The following PALM2AKAP2 variants were observed in gnomAD, a reference collection of about 807,000 sequenced individuals.
PALM2AKAP2 encodes PALM2 and AKAP2 fusion, also known as PALM2-AKAP2 fusion protein.
In PALM2AKAP2, 37 loss-of-function variants were observed where a neutral mutation model predicts 71.5. The observed-to-expected ratio is 0.52, with a 90% CI of 0.40 to 0.68. The LOEUF (loss-of-function observed/expected upper bound fraction) is 0.68. PALM2AKAP2 is among the 30% of genes least tolerant of loss of function. The probability of loss-of-function intolerance (pLI) is 0.00; values close to 1 mark genes in which losing one functional copy is unlikely to be tolerated. For synonymous variants in PALM2AKAP2, 468 were observed against 478.8 expected, an observed-to-expected ratio of 0.98 and a Z score of 0.29; for missense variants, 1,224 against 1,191.8, an observed-to-expected ratio of 1.03 and a Z score of -0.40.
intron 6 of PALM2AKAP2, among the ~76,000 whole-genome samples, chr9:109,995,791 G>T (rs143215840): frequency 5.3e-5 from 8 of 152,310 alleles, no homozygotes; most frequent in Non-Finnish European, 1.2e-4. Flanking sequence ...ATCAGGTGGG[G>T]AGTGATGTGA....
chr9:109,793,693 G>T (rs1010584855), intron 1 of PALM2AKAP2, among the ~76,000 whole-genome samples: 1 of 152,188 alleles, frequency 6.6e-6, no homozygotes, highest in Admixed American at 6.5e-5. Context: ...ACAATAGCCC[G>T]TGGGCCAAAT....
At chr9:109,699,238 A>G (rs149658086) in intron 1 of PALM2AKAP2, among the ~76,000 whole-genome samples, 138 of 152,348 alleles carry the variant, frequency 9.1e-4, no homozygotes, top group Non-Finnish European at 1.8e-3. Context: ...GTATTACCTT[A>G]TGAAGCAAGA....
At chr9:110,080,053 G>C (rs1834412529) in intron 1 of PALM2AKAP2, among the ~76,000 whole-genome samples, 1 of 117,152 alleles carries the variant, frequency 8.5e-6, no homozygotes, top group Non-Finnish European at 1.6e-5. Flanking sequence ...TTGGGTGACA[G>C]AGCGAGACTC....
intron 1 of PALM2AKAP2, among the ~76,000 whole-genome samples, chr9:110,053,539 AAAAAAAAAAG>A (rs1833759359): frequency 6.6e-6 from 1 of 150,988 alleles, no homozygotes; most frequent in African/African-American, 2.4e-5. Context: ...AAAAAAAAAA[AAAAAAAAAAG>A]AAAAAAAGAA....
intron 6 of PALM2AKAP2, among the ~76,000 whole-genome samples, chr9:109,942,384 A>G (rs1388884537): frequency 6.6e-6 from 1 of 152,226 alleles, no homozygotes; most frequent in Non-Finnish European, 1.5e-5. Flanking sequence ...AGCCTCCATG[A>G]AATTCTTCAC....
chr9:109,831,628 C>T (rs1370854943), intron 1 of PALM2AKAP2, among the ~76,000 whole-genome samples: 3 of 152,280 alleles, frequency 2.0e-5, no homozygotes, highest in Non-Finnish European at 4.4e-5. Context: ...GTGACAGATG[C>T]AGTCAGAGTA....
At chr9:109,954,373 C>T (rs914817096) in intron 6 of PALM2AKAP2, among the ~76,000 whole-genome samples, 4 of 152,002 alleles carry the variant, frequency 2.6e-5, no homozygotes, top group African/African-American at 9.7e-5. Flanking sequence ...CCCCAGCAGC[C>T]CCCAAGCCCT....
At chr9:109,950,748 G>A (rs1366880367) in intron 6 of PALM2AKAP2, among the ~76,000 whole-genome samples, 31 of 152,136 alleles carry the variant, frequency 2.0e-4, no homozygotes, top group Admixed American at 2.0e-3. Flanking sequence ...TCTCCAACAG[G>A]CCCAACTCCA....
intron 6 of PALM2AKAP2, among the ~76,000 whole-genome samples, chr9:109,971,742 G>A (rs10980129): frequency 6.6e-6 from 1 of 152,100 alleles, no homozygotes; most frequent in African/African-American, 2.4e-5. Flanking sequence ...CATTGTTGCA[G>A]AGTGTAAAAC....
At chr9:110,162,171 A>G (rs1262387154) in intron 3 of PALM2AKAP2, 39 bp downstream of exon 10, 1 of 1,610,630 alleles carries the variant, frequency 6.2e-7, no homozygotes, top group Non-Finnish European at 8.5e-7. Context: ...TACTGAATGC[A>G]TGATCCAGGT....
At chr9:110,111,593 A>G (rs1210557239) in intron 1 of PALM2AKAP2, among the ~76,000 whole-genome samples, 1 of 152,214 alleles carries the variant, frequency 6.6e-6, no homozygotes, top group Non-Finnish European at 1.5e-5. Flanking sequence ...CCTAACGGCA[A>G]AATGAATTGC....
At chr9:109,734,034 AC>A (rs1828593859) in intron 1 of PALM2AKAP2, among the ~76,000 whole-genome samples, 1 of 152,192 alleles carries the variant, frequency 6.6e-6, no homozygotes, top group African/African-American at 2.4e-5. Flanking sequence ...AACAACTAAA[AC>A]AGATTCTAGA....
intron 1 of PALM2AKAP2, among the ~76,000 whole-genome samples, chr9:109,792,061 G>A (rs1483579327): frequency 6.6e-6 from 1 of 152,102 alleles, no homozygotes; most frequent in Non-Finnish European, 1.5e-5. Context: ...GGGGCTGGGG[G>A]GTTGGTACAG....
At chr9:109,671,586 G>A (rs2118491329) in intron 1 of PALM2AKAP2, among the ~76,000 whole-genome samples, 1 of 152,170 alleles carries the variant, frequency 6.6e-6, no homozygotes, top group African/African-American at 2.4e-5. Context: ...GGCATTTTTG[G>A]TTCCATATGA....
chr9:109,996,216 T>A (rs1018512064), intron 6 of PALM2AKAP2, among the ~76,000 whole-genome samples: 1 of 152,248 alleles, frequency 6.6e-6, no homozygotes, highest in Admixed American at 6.5e-5. Flanking sequence ...TAAATATGTT[T>A]CCAGCCTAGT....
intron 1 of PALM2AKAP2, among the ~76,000 whole-genome samples, chr9:110,101,015 A>C (rs1049978009): frequency 6.6e-6 from 1 of 152,136 alleles, no homozygotes; most frequent in Non-Finnish European, 1.5e-5. Flanking sequence ...TTTTTCTGGA[A>C]ATCTAGAATA....
chr9:109,652,026 A>T (rs1348499276), intron 1 of PALM2AKAP2, among the ~76,000 whole-genome samples: 3 of 152,220 alleles, frequency 2.0e-5, no homozygotes, highest in African/African-American at 7.2e-5. Flanking sequence ...ATGCTACCTA[A>T]ATTACTGCCA....
chr9:109,811,882 T>G (rs1827736394), intron 1 of PALM2AKAP2, among the ~76,000 whole-genome samples: 1 of 152,248 alleles, frequency 6.6e-6, no homozygotes, highest in African/African-American at 2.4e-5. Flanking sequence ...TATATTGTAT[T>G]TTCTTAAAGC....
At chr9:110,038,766 C>T (rs1330571968) in intron 7 of PALM2AKAP2, among the ~76,000 whole-genome samples, 1 of 151,354 alleles carries the variant, frequency 6.6e-6, no homozygotes, top group South Asian at 2.1e-4. Context: ...TGGTGAAACC[C>T]CGTCTCTACT....
Sources: gnomAD v4.1 joint callset for allele counts (sites outside exome capture counted in the v4.1 genomes callset) on GRCh38, gnomAD v4.1.1 for gene constraint, MANE v1.5 for transcripts, NCBI Gene and HGNC (gene_info 2026-07-23, HGNC 2026-07-21) for gene names.